The following FDX1 variants were observed in gnomAD, a reference collection of about 807,000 sequenced individuals.
FDX1 encodes adrenodoxin, mitochondrial.
In FDX1, 9 loss-of-function variants were observed where a neutral mutation model predicts 14.9. The ratio of observed to expected loss-of-function variants is 0.60; its 90% confidence interval spans 0.36 to 1.05. The LOEUF is 1.05. FDX1 is among the 50% of genes least tolerant of loss of function. FDX1 has a pLI of 0.01. For synonymous variants in FDX1, 92 were observed against 99.4 expected, an observed-to-expected ratio of 0.93 and a Z score of 0.44; for missense variants, 204 against 237.2, an observed-to-expected ratio of 0.86 and a Z score of 0.92.
chr11:110,435,742 C>T (rs1946364018), intron 1 of FDX1, 92 bp from the exon 2 acceptor site: 4 of 935,580 alleles, frequency 4.3e-6, no homozygotes, highest in Admixed American at 6.0e-5. Flanking sequence ...GTATTCCCAT[C>T]TACTCTGGAG....
chr11:110,430,340 G>A (rs983354427), intron 1 of FDX1, 35 bp downstream of exon 1: 1 of 1,174,482 alleles, frequency 8.5e-7, no homozygotes. Flanking sequence ...GCCGGCGCGG[G>A]CCGGGGTCCC....
chr11:110,442,975 G>C (rs1946414228), intron 2 of FDX1, among the ~76,000 whole-genome samples: 1 of 152,170 alleles, frequency 6.6e-6, no homozygotes, highest in African/African-American at 2.4e-5. Context: ...TTTATAAGGG[G>C]AGGGGGGTTC....
chr11:110,447,491 A>G (rs1946459347), intron 2 of FDX1, among the ~76,000 whole-genome samples: 1 of 152,092 alleles, frequency 6.6e-6, no homozygotes, highest in Non-Finnish European at 1.5e-5. Context: ...TCCTTTGCAC[A>G]TAGGATAAAA....
intron 2 of FDX1, among the ~76,000 whole-genome samples, chr11:110,444,650 G>GTATATA (rs1225899200): frequency 1.9e-5 from 1 of 53,836 alleles, no homozygotes; most frequent in Non-Finnish European, 3.1e-5. Context: ...GTGTGTGTGT[G>GTATATA]TATATATATA....
intron 3 of FDX1, among the ~76,000 whole-genome samples, chr11:110,459,321 A>C (rs1338809773): frequency 6.6e-6 from 1 of 152,246 alleles, no homozygotes; most frequent in Non-Finnish European, 1.5e-5. Context: ...GAAAGCATTC[A>C]TTAAATGGTA....
chr11:110,434,037 A>G (rs890938103), intron 1 of FDX1, among the ~76,000 whole-genome samples: 4 of 152,222 alleles, frequency 2.6e-5, no homozygotes, highest in Non-Finnish European at 2.9e-5. Context: ...AAAATGACCA[A>G]TGGTGGAGGA....
intron 3 of FDX1, among the ~76,000 whole-genome samples, chr11:110,461,496 T>TAAA (rs59467093): frequency 1.9e-5 from 2 of 106,360 alleles, no homozygotes; most frequent in Admixed American, 1.1e-4. Flanking sequence ...GACCCTGTCT[T>TAAA]AAAAAAAAAA....
chr11:110,447,176 G>GAA (rs1565382687), intron 2 of FDX1, among the ~76,000 whole-genome samples: 1 of 45,700 alleles, frequency 2.2e-5, no homozygotes, highest in Non-Finnish European at 4.4e-5. Context: ...ACTCCATCTT[G>GAA]GAAAAAAAAA....
In FDX1 at chr11:110,462,602, A is replaced by C. The variant is rs1480591682; in HGVS notation, c.*134A>C. On this transcript the variant is annotated 3_prime_UTR_variant, in exon 4 of 4. Coordinates refer to ENST00000260270, the MANE Select transcript of FDX1 (RefSeq NM_004109.5). Reference sequence around the variant, plus strand: ...GCTTTACTATTTTAATTCACCTTGCATAACTACTGAATTTTGTCATTCTTG... The same window carrying C: ...GCTTTACTATTTTAATTCACCTTGCCTAACTACTGAATTTTGTCATTCTTG... 4 of 427,830 alleles carry C rather than the reference A, an allele frequency of 9.3e-6. No individual in the cohort carries two copies. Among genetic ancestry groups the C allele is most frequent in the Non-Finnish European group, 1.2e-5 (3 of 243,976 alleles). The allele number at this position is 427,830 out of a possible 1,614,324, so 26.5% of individuals were successfully genotyped here.
chr11:110,439,584 G>C (rs773478844), intron 2 of FDX1, among the ~76,000 whole-genome samples: 8 of 152,158 alleles, frequency 5.3e-5, no homozygotes, highest in Non-Finnish European at 1.0e-4. Flanking sequence ...CTGGATATTA[G>C]ACCTTTGTTG....
intron 3 of FDX1, among the ~76,000 whole-genome samples, chr11:110,457,920 G>A (rs141978935): frequency 1.3e-5 from 2 of 152,260 alleles, no homozygotes; most frequent in East Asian, 1.9e-4. Flanking sequence ...CTTGGTGGAT[G>A]TGAGACTGAT....
intron 2 of FDX1, among the ~76,000 whole-genome samples, chr11:110,444,677 T>TATATAC (rs1946430053): frequency 9.2e-5 from 7 of 76,450 alleles, no homozygotes; most frequent in African/African-American, 4.2e-4. Context: ...TATATATATA[T>TATATAC]ATATATACAC....
At position 110,464,712 on chromosome 11, in the gene FDX1, G is replaced by C. The variant is rs1227383920; in HGVS notation, c.*2244G>C. The C allele has an allele frequency of 6.6e-6, 1 of 152,064 alleles. No individual in the cohort carries two copies. The highest frequency in any genetic ancestry group is 2.4e-5 in the African/African-American group (1 of 41,392). 9.4% of individuals were successfully genotyped at this position (152,064 alleles called of 1,614,324 possible). ...TTCATTATTCTTGTCTTTGTGTGTG[G>C]ATTACCTAAACTCTCCTTCCAGAGC... On this transcript the variant is annotated 3_prime_UTR_variant, in exon 4 of 4. Transcript: ENST00000260270.
At chr11:110,442,979 G>A (rs943254364) in intron 2 of FDX1, among the ~76,000 whole-genome samples, 1 of 152,136 alleles carries the variant, frequency 6.6e-6, no homozygotes, top group Non-Finnish European at 1.5e-5. Flanking sequence ...TAAGGGGAGG[G>A]GGGTTCCCTG....
rs975444891 is a variant in FDX1 at position 110,463,446 on chromosome 11, A to G, written c.*978A>G. ...ACAGATTACCACGTATGTGTGGAAG[A>G]CATTCGTACTCTTATCTTTACTATA... On this transcript the variant is annotated 3_prime_UTR_variant, in exon 4 of 4. Coordinates refer to ENST00000260270, the MANE Select transcript of FDX1 (RefSeq NM_004109.5). 1 of 152,268 alleles carries G rather than the reference A, an allele frequency of 6.6e-6. No individual in the cohort carries two copies. The highest frequency in any genetic ancestry group is 1.5e-5 in the Non-Finnish European group (1 of 68,048). The allele number at this position is 152,268 out of a possible 1,614,324, so 9.4% of individuals were successfully genotyped here. A position where few individuals can be genotyped will look rare whatever the true frequency, so the allele number is the denominator to read the frequency against.
At chr11:110,439,908 C>T (rs1946394726) in intron 2 of FDX1, among the ~76,000 whole-genome samples, 1 of 152,140 alleles carries the variant, frequency 6.6e-6, no homozygotes, top group African/African-American at 2.4e-5. Context: ...AGCCATCAAT[C>T]CCAGCACTGT....
Position 110,430,135 on chromosome 11 carries a change from G to C in FDX1, c.15G>C (p.Gly5=), listed in dbSNP as rs1946319680. The change falls in exon 1 of 4, where the codon GGG becomes GGC. Residue 5 remains glycine, a synonymous_variant. Coordinates refer to ENST00000260270, the MANE Select transcript of FDX1 (RefSeq NM_004109.5). Reference sequence around the variant, plus strand: ...GACCGCGGGCGATGGCTGCCGCTGGGGGCGCCCGGCTGCTGCGCGCCGCTT... The same window carrying C: ...GACCGCGGGCGATGGCTGCCGCTGGCGGCGCCCGGCTGCTGCGCGCCGCTT... MAAA[G]GARLLRAASA... 2.4e-6 allele frequency: 3 copies of C among 1,240,138 alleles called. No individual in the cohort carries two copies. Among genetic ancestry groups the C allele is most frequent in the Admixed American group, 8.6e-5 (2 of 23,342 alleles). The allele number at this position is 1,240,138 out of a possible 1,614,324, so 76.8% of individuals were successfully genotyped here. A position where few individuals can be genotyped will look rare whatever the true frequency, so the allele number is the denominator to read the frequency against.
chr11:110,435,988 A>G (rs1946365950), intron 2 of FDX1, 30 bp downstream of exon 2: 1 of 1,580,202 alleles, frequency 6.3e-7, no homozygotes, highest in African/African-American at 1.4e-5. Flanking sequence ...TAAAATGCAT[A>G]AGTGAAACTG....
chr11:110,456,071 T>C (rs1946519868), intron 2 of FDX1, among the ~76,000 whole-genome samples: 1 of 152,188 alleles, frequency 6.6e-6, no homozygotes, highest in South Asian at 2.1e-4. Flanking sequence ...AATTAATGAC[T>C]TAAAAAATGG....
Sources: gnomAD v4.1 joint callset for allele counts (sites outside exome capture counted in the v4.1 genomes callset) on GRCh38, gnomAD v4.1.1 for gene constraint, MANE v1.5 for transcripts, NCBI Gene and HGNC (gene_info 2026-07-23, HGNC 2026-07-21) for gene names.